Variants in KLHL30 observed in about 807,000 individuals in gnomAD.
KLHL30 encodes kelch like family member 30.
Under a neutral mutation model 55.0 loss-of-function variants are expected in KLHL30, and 55 were observed. That is an observed-to-expected ratio of 1.00 (90% CI 0.80 to 1.25). The LOEUF (loss-of-function observed/expected upper bound fraction) is 1.25. Among genes scored for constraint, KLHL30 ranks in the 50% most tolerant of loss-of-function variants. The pLI, the probability that KLHL30 is intolerant of heterozygous loss-of-function variation, is 0.00. For synonymous variants in KLHL30, 356 were observed against 372.6 expected, an observed-to-expected ratio of 0.96 and a Z score of 0.51; for missense variants, 786 against 811.6, an observed-to-expected ratio of 0.97 and a Z score of 0.38.
chr2:238,144,393 AGG>A (rs1290349196), intron 3 of KLHL30, among the ~76,000 whole-genome samples: 14 of 93,698 alleles, frequency 1.5e-4, no homozygotes, highest in African/African-American at 6.4e-4. Flanking sequence ...GAAGGAAGGA[AGG>A]AAGGAAGGAA....
At chr2:238,149,250 G>T (rs1344742072) in intron 7 of KLHL30, 98 bp downstream of exon 7, 4 of 1,508,692 alleles carry the variant, frequency 2.7e-6, no homozygotes, top group Non-Finnish European at 3.6e-6. Flanking sequence ...GCCACAGAGG[G>T]CCCACTGCGA....
At chr2:238,138,963 G>A (rs1256846815) in intron 1 of KLHL30, among the ~76,000 whole-genome samples, 1 of 152,210 alleles carries the variant, frequency 6.6e-6, no homozygotes, top group Non-Finnish European at 1.5e-5. Context: ...TGTCCCAGCC[G>A]GAGAGGTGGG....
At chr2:238,148,149 C>T (rs527847987) in intron 6 of KLHL30, 127 bp downstream of exon 6, 58 of 918,412 alleles carry the variant, frequency 6.3e-5, no homozygotes, top group East Asian at 2.9e-4. Flanking sequence ...AGAGAGCCGG[C>T]GGCCGCAGGC....
At chr2:238,139,589 T>G (rs1002172606) in intron 1 of KLHL30, among the ~76,000 whole-genome samples, 7 of 152,094 alleles carry the variant, frequency 4.6e-5, no homozygotes, top group Admixed American at 2.0e-4. Flanking sequence ...GAGCCCTAGC[T>G]CCCATCGCCT....
intron 1 of KLHL30, 62 bp from the exon 2 acceptor site, chr2:238,140,623 G>A (rs139981500): frequency 1.9e-5 from 16 of 859,914 alleles, no homozygotes; most frequent in Middle Eastern, 2.9e-4. Context: ...GACAGACCGG[G>A]TGGGTTGCTC....
At chr2:238,140,627 G>A (rs914724675) in intron 1 of KLHL30, 58 bp from the exon 2 acceptor site, 2 of 949,002 alleles carry the variant, frequency 2.1e-6, no homozygotes, top group Non-Finnish European at 3.1e-6. Context: ...GACCGGGTGG[G>A]TTGCTCAGGA....
intron 1 of KLHL30, among the ~76,000 whole-genome samples, chr2:238,139,465 C>A (rs1411084578): frequency 6.6e-6 from 1 of 152,174 alleles, no homozygotes; most frequent in Admixed American, 6.5e-5. Context: ...TGTGGGGCCC[C>A]GGCCACGTGA....
At chr2:238,142,591 G>A (rs749495256) in intron 2 of KLHL30, among the ~76,000 whole-genome samples, 7 of 152,188 alleles carry the variant, frequency 4.6e-5, no homozygotes, top group Non-Finnish European at 8.8e-5. Flanking sequence ...CTATGGGATC[G>A]GTTCTGAAGA....
In KLHL30 at chr2:238,149,094, T is replaced by C. The variant is rs770304717; in HGVS notation, c.1427T>C (p.Ile476Thr). ...CAALHGELYL[I>T]GDNTKKVYVY... ...GCACTGCACGGGGAGCTCTACCTCA[T>C]TGGGGACAACACCAAGAAGGTCTAC... Residue 476 changes from isoleucine to threonine, a missense_variant, in exon 7 of 8, where the codon ATT becomes ACT. By Grantham distance (89) the Ile-to-Thr change is moderately conservative. Transcript: ENST00000409223. 71 of 1,613,204 alleles carry C rather than the reference T, an allele frequency of 4.4e-5. No homozygotes were observed. The East Asian group carries it at 9.4e-4, about 21-fold the overall frequency.
intron 6 of KLHL30, among the ~76,000 whole-genome samples, chr2:238,148,759 T>TC (rs1382542317): frequency 6.6e-6 from 1 of 152,014 alleles, no homozygotes; most frequent in Non-Finnish European, 1.5e-5. Flanking sequence ...CCCTGCACCC[T>TC]CCACAGGCCC....
intron 5 of KLHL30, among the ~76,000 whole-genome samples, chr2:238,146,271 T>C (rs1317907991): frequency 1.3e-5 from 2 of 151,526 alleles, no homozygotes; most frequent in Non-Finnish European, 1.5e-5. Context: ...TCTCAGCACT[T>C]GGCAGGGCCA....
rs1692517802 is a variant in KLHL30 at position 238,140,831 on chromosome 2, T to C, written c.77T>C (p.Leu26Pro). 1 of 1,608,594 alleles carries C rather than the reference T, an allele frequency of 6.2e-7. No individual in the cohort carries two copies. Among genetic ancestry groups the C allele is most frequent in the Non-Finnish European group, 8.5e-7 (1 of 1,176,870 alleles). ...GACATGCTGGATGGCCTGCAGCGCC[T>C]GCGCTCTCAGCCCAAGCTGGCCGAC... ...AQDMLDGLQRLRSQPKLADVT... is the reference protein window; with the variant it reads ...AQDMLDGLQRPRSQPKLADVT... The change falls in exon 2 of 8, where the codon CTG (leucine) becomes CCG (proline). Residue 26 changes from leucine (L) to proline (P), a missense_variant. By Grantham distance (98) the Leu-to-Pro change is moderately conservative. Transcript: ENST00000409223.
At position 238,141,140 on chromosome 2, in the gene KLHL30, A is replaced by G; in HGVS notation, c.386A>G (p.Gln129Arg). ...GTCTGCGGCCGCTACCTGCAGCAGC[A>G]ACTGGATGCCGCCAACTGCCTGGGC... ...QKVCGRYLQQQLDAANCLGIC... is the reference protein window; with the variant it reads ...QKVCGRYLQQRLDAANCLGIC... Residue 129 changes from glutamine (Q) to arginine (R), a missense_variant, in exon 2 of 8, where the codon CAA becomes CGA. Physicochemically the swap from Gln to Arg is conservative, Grantham distance 43 (BLOSUM62 1). Transcript: ENST00000409223. 1 of 1,611,614 alleles carries G rather than the reference A, an allele frequency of 6.2e-7. No homozygotes were observed. The highest frequency in any genetic ancestry group is 8.5e-7 in the Non-Finnish European group (1 of 1,179,206).
rs1406302846 is a variant in KLHL30, at chr2:238,144,996, G to T, written c.994+8G>T. The T allele has an allele frequency of 6.3e-7, 1 of 1,591,540 alleles. No individual in the cohort carries two copies. Among genetic ancestry groups the T allele is most frequent in the South Asian group, 1.1e-5 (1 of 87,434 alleles). ...ACAACATCTATGTCACAGGTGGGCA[G>T]CTCGGGGACCCTTCCAGAGATGCCC... On this transcript the variant is annotated splice_region_variant and intron_variant, in intron 4 of 7. Coordinates refer to ENST00000409223, the MANE Select transcript of KLHL30 (RefSeq NM_198582.4).
In KLHL30 at chr2:238,152,221, G is replaced by A; in HGVS notation, c.*1156G>A. ...GGCTTCCTCTCCAGGACCAGCCCCTGGGTTCCTCCTTAACACCCCCCGCCC... is the reference window on the plus strand; with the variant it reads ...GGCTTCCTCTCCAGGACCAGCCCCTAGGTTCCTCCTTAACACCCCCCGCCC... On this transcript the variant is annotated 3_prime_UTR_variant, in exon 8 of 8. Coordinates refer to ENST00000409223, the MANE Select transcript of KLHL30 (RefSeq NM_198582.4). 2.0e-6 allele frequency: 2 copies of A among 985,528 alleles called. No homozygotes were observed. Among genetic ancestry groups the A allele is most frequent in the East Asian group, 1.1e-4 (1 of 8,808 alleles). The allele number at this position is 985,528 out of a possible 1,614,324, so 61.0% of individuals were successfully genotyped here.
At chr2:238,145,113 G>T in intron 4 of KLHL30, 125 bp downstream of exon 4, 1 of 765,522 alleles carries the variant, frequency 1.3e-6, no homozygotes. Flanking sequence ...TTCCATGCAT[G>T]TGAAAACAAG....
chr2:238,146,094 T>C (rs1247845301), intron 5 of KLHL30, among the ~76,000 whole-genome samples: 2 of 152,054 alleles, frequency 1.3e-5, no homozygotes, highest in East Asian at 3.9e-4. Flanking sequence ...GACAGCAAGA[T>C]GGTGACTCAG....
chr2:238,149,310 G>A (rs1229501429), intron 7 of KLHL30, among the ~76,000 whole-genome samples, 158 bp downstream of exon 7: 5 of 145,628 alleles, frequency 3.4e-5, no homozygotes, highest in Non-Finnish European at 6.0e-5. Context: ...AGTGAAGGGG[G>A]TGGCGCAGGC....
intron 3 of KLHL30, among the ~76,000 whole-genome samples, chr2:238,143,331 T>C (rs1574757056): frequency 6.6e-6 from 1 of 150,412 alleles, no homozygotes; most frequent in African/African-American, 2.5e-5. Context: ...GGGTGGGGGG[T>C]GAAGGGGTGC....
Sources: gnomAD v4.1 joint callset for allele counts (sites outside exome capture counted in the v4.1 genomes callset) on GRCh38, gnomAD v4.1.1 for gene constraint, MANE v1.5 for transcripts, NCBI Gene and HGNC (gene_info 2026-07-23, HGNC 2026-07-21) for gene names.